The following UST variants were observed in gnomAD, a reference collection of about 807,000 sequenced individuals.
UST encodes chondroitin sulfate 2-O-sulfotransferase.
In UST, 21 loss-of-function variants were observed where a neutral mutation model predicts 45.6. That is an observed-to-expected ratio of 0.46 (90% CI 0.33 to 0.66). The LOEUF (loss-of-function observed/expected upper bound fraction) is 0.66. Among genes scored for constraint, UST ranks in the 30% least tolerant of loss-of-function variants. The pLI is 0.02. For missense variants in UST, 463 were observed against 512.4 expected (o/e 0.90, Z 0.93); for synonymous variants, 215 against 200.6 (o/e 1.07, Z -0.61).
chr6:149,000,922 CAGAT>C (rs1295491061), intron 5 of UST, among the ~76,000 whole-genome samples: 5 of 151,846 alleles, frequency 3.3e-5, no homozygotes, highest in East Asian at 3.9e-4. Context: ...AACAGATAGA[CAGAT>C]AGAGCAGTTA....
intron 3 of UST, among the ~76,000 whole-genome samples, chr6:148,942,200 A>G (rs1421083626): frequency 6.6e-6 from 1 of 152,168 alleles, no homozygotes; most frequent in African/African-American, 2.4e-5. Context: ...TTACATACAT[A>G]GGATGAGCAG....
rs981702628 is a variant in UST at position 149,074,892 on chromosome 6, A to G, written c.*776A>G. 1 of 152,364 alleles carries G rather than the reference A, an allele frequency of 6.6e-6. No homozygotes were observed. Among genetic ancestry groups the G allele is most frequent in the African/African-American group, 2.4e-5 (1 of 41,418 alleles). 9.4% of individuals were successfully genotyped at this position (152,364 alleles called of 1,614,324 possible). On this transcript the variant is annotated 3_prime_UTR_variant, in exon 8 of 8. Transcript: ENST00000367463. ...CAAGTCAGCTTGTGCCGCATCCCCA[A>G]CCAATCCACAGCCTGGAGTACCTTT... is the stretch of plus-strand genomic sequence containing the variant.
intron 1 of UST, among the ~76,000 whole-genome samples, chr6:148,754,089 G>C (rs1004619225): frequency 1.4e-4 from 21 of 151,440 alleles, no homozygotes; most frequent in African/African-American, 4.6e-4. Flanking sequence ...CTGCCTCCCA[G>C]GTACACGCCA....
intron 7 of UST, among the ~76,000 whole-genome samples, chr6:149,054,975 G>A (rs145904976): frequency 6.1e-4 from 93 of 152,238 alleles, no homozygotes; most frequent in African/African-American, 1.9e-3. Flanking sequence ...ATGGTTTATC[G>A]CATGAGAACC....
chr6:148,815,103 C>T (rs771739367), intron 1 of UST, among the ~76,000 whole-genome samples: 1 of 152,134 alleles, frequency 6.6e-6, no homozygotes, highest in African/African-American at 2.4e-5. Context: ...AAACAAGATG[C>T]ACCAATATGG....
At chr6:149,019,342 C>A in intron 6 of UST, 106 bp downstream of exon 6, 2 of 806,698 alleles carry the variant, frequency 2.5e-6, no homozygotes, top group East Asian at 2.5e-5. Flanking sequence ...GTCTCTCAAC[C>A]TTCTGGAATT....
chr6:149,015,471 G>T (rs374891691), intron 5 of UST, among the ~76,000 whole-genome samples: 1 of 152,172 alleles, frequency 6.6e-6, no homozygotes, highest in Non-Finnish European at 1.5e-5. Flanking sequence ...TGGCAGGGAA[G>T]GGCACTGCAG....
At chr6:148,891,901 T>A (rs920523796) in intron 2 of UST, among the ~76,000 whole-genome samples, 5 of 152,210 alleles carry the variant, frequency 3.3e-5, no homozygotes, top group African/African-American at 1.2e-4. Context: ...TATACTTAGC[T>A]ACCTTCAGCA....
At chr6:148,888,694 T>C (rs1254465336) in intron 2 of UST, among the ~76,000 whole-genome samples, 1 of 152,222 alleles carries the variant, frequency 6.6e-6, no homozygotes, top group Non-Finnish European at 1.5e-5. Context: ...ATTAAAATTA[T>C]TGATGAGTGG....
rs905244280 is a variant in UST at position 148,755,042 on chromosome 6, G to T, written c.247+7365G>T. Among the ~76,000 whole-genome samples, 38 of 152,282 alleles carry T rather than the reference G, an allele frequency of 2.5e-4. 1 individual carries two copies. In the South Asian group the frequency reaches 3.5e-3, roughly 14 times the overall value. On this transcript the variant is annotated intron_variant, in intron 1 of 7. Transcript: ENST00000367463. ...CAAAGATTGCTGTGACTTGTATGTG[G>T]AATATGAATTTAGCTAATTTTTGAA...
At chr6:149,058,809 A>G (rs1460498122) in intron 7 of UST, among the ~76,000 whole-genome samples, 1 of 152,178 alleles carries the variant, frequency 6.6e-6, no homozygotes, top group Non-Finnish European at 1.5e-5. Context: ...TATCTGCTTC[A>G]ATTGTTGTTG....
In UST at chr6:148,841,482, G is replaced by A. The variant is rs188206329; in HGVS notation, c.248-45504G>A. On this transcript the variant is annotated intron_variant, in intron 1 of 7. Transcript: ENST00000367463. ...ATTGGTTTGTTTCCTGTTCTACTTT[G>A]GTTTAATTACTATTTGATAATTACT... is the stretch of plus-strand genomic sequence containing the variant. Among the ~76,000 whole-genome samples, 588 of 152,066 alleles carry A rather than the reference G, an allele frequency of 3.9e-3. 1 individual carries two copies. Among genetic ancestry groups the A allele is most frequent in the Middle Eastern group, 0.014 (4 of 292 alleles).
intron 7 of UST, among the ~76,000 whole-genome samples, chr6:149,066,453 G>T (rs1301496188): frequency 1.3e-5 from 2 of 151,960 alleles, no homozygotes; most frequent in Admixed American, 6.5e-5. Flanking sequence ...AAGAAGAGGG[G>T]GTGGATGAGG....
intron 1 of UST, among the ~76,000 whole-genome samples, chr6:148,870,292 C>T (rs765891084): frequency 4.6e-5 from 7 of 152,126 alleles, no homozygotes; most frequent in Non-Finnish European, 8.8e-5. Context: ...AGTCTCAGTG[C>T]CCTCCTGACC....
At chr6:148,804,025 C>G (rs1024023854) in intron 1 of UST, among the ~76,000 whole-genome samples, 5 of 152,192 alleles carry the variant, frequency 3.3e-5, no homozygotes, top group African/African-American at 9.7e-5. Flanking sequence ...ACTGTATCCT[C>G]AAGGCCTACA....
At chr6:148,846,771 A>G (rs1339321316) in intron 1 of UST, among the ~76,000 whole-genome samples, 1 of 152,264 alleles carries the variant, frequency 6.6e-6, no homozygotes, top group Admixed American at 6.5e-5. Context: ...TGAGAATTGT[A>G]GAAACAGTTG....
intron 3 of UST, among the ~76,000 whole-genome samples, chr6:148,945,645 C>A (rs1188010960): frequency 6.6e-6 from 1 of 152,094 alleles, no homozygotes; most frequent in Non-Finnish European, 1.5e-5. Flanking sequence ...TGCCTTGTCC[C>A]GAATGAATCA....
intron 1 of UST, among the ~76,000 whole-genome samples, chr6:148,797,346 A>G (rs1007569657): frequency 1.3e-5 from 2 of 152,212 alleles, no homozygotes; most frequent in South Asian, 4.1e-4. Context: ...AGCAACAACA[A>G]AATAATAGAA....
At chr6:149,054,519 C>A (rs1041039401) in intron 7 of UST, among the ~76,000 whole-genome samples, 5 of 152,082 alleles carry the variant, frequency 3.3e-5, no homozygotes. Context: ...AGTTGGGGGA[C>A]ACCGATGCTT....
Sources: gnomAD v4.1 joint callset for allele counts (sites outside exome capture counted in the v4.1 genomes callset) on GRCh38, gnomAD v4.1.1 for gene constraint, MANE v1.5 for transcripts, NCBI Gene and HGNC (gene_info 2026-07-23, HGNC 2026-07-21) for gene names.